Variants in SCD5 observed in about 807,000 individuals in gnomAD.
The protein encoded by SCD5 is stearoyl-CoA desaturase 5.
A neutral mutation model predicts 30.4 loss-of-function variants in SCD5; 20 were observed. The ratio of observed to expected loss-of-function variants is 0.66; its 90% CI spans 0.46 to 0.96. SCD5 has a LOEUF of 0.96. SCD5 is among the 40% of genes least tolerant of loss of function. SCD5 has a pLI of 0.00. For synonymous variants in SCD5, 173 were observed against 176.4 expected (o/e 0.98, Z 0.16); for missense variants, 381 against 443.3 (o/e 0.86, Z 1.26).
At chr4:82,730,499 T>G (rs907859435) in intron 1 of SCD5, among the ~76,000 whole-genome samples, 3 of 150,698 alleles carry the variant, frequency 2.0e-5, no homozygotes, top group Non-Finnish European at 4.4e-5. Flanking sequence ...GGTTTCACCG[T>G]GTTAGCCAAG....
intron 1 of SCD5, among the ~76,000 whole-genome samples, chr4:82,758,306 C>CA (rs1372793569): frequency 1.3e-5 from 2 of 150,760 alleles, no homozygotes; most frequent in South Asian, 2.1e-4. Flanking sequence ...TCTCCAAAAA[C>CA]AAAAAAAAAG....
chr4:82,673,534 C>A (rs894455139), intron 3 of SCD5, among the ~76,000 whole-genome samples: 6 of 151,992 alleles, frequency 3.9e-5, no homozygotes, highest in African/African-American at 1.4e-4. Flanking sequence ...AAGAGTTATC[C>A]CATGCTCATA....
chr4:82,641,382 T>C (rs761772794), intron 3 of SCD5, among the ~76,000 whole-genome samples: 5 of 148,340 alleles, frequency 3.4e-5, no homozygotes, highest in Non-Finnish European at 7.4e-5. Context: ...CAATGAACAA[T>C]ATAAATAAGC....
At chr4:82,691,882 C>T (rs1719517668) in intron 2 of SCD5, 2 of 152,482 alleles carry the variant, frequency 1.3e-5, no homozygotes, top group African/African-American at 4.8e-5. Context: ...CCGATGGCTT[C>T]TCTAGCTAGG....
At chr4:82,699,750 G>A (rs921688141) in intron 2 of SCD5, among the ~76,000 whole-genome samples, 13 of 134,144 alleles carry the variant, frequency 9.7e-5, no homozygotes, top group African/African-American at 1.4e-4. Context: ...CAACCTCCAC[G>A]TCCCAGGTTC....
Position 82,631,503 on chromosome 4 carries a change from T to A in SCD5, c.817A>T (p.Asn273Tyr). 1 of 1,613,912 alleles carries A rather than the reference T, an allele frequency of 6.2e-7. No individual in the cohort carries two copies. The highest frequency in any genetic ancestry group is 8.5e-7 in the Non-Finnish European group (1 of 1,179,852). The change falls in exon 5 of 5, where the codon AAT becomes TAT. Residue 273 changes from asparagine to tyrosine, a missense_variant. Physicochemically the swap from Asn to Tyr is moderately radical, Grantham distance 143. Coordinates refer to ENST00000319540, the MANE Select transcript of SCD5 (RefSeq NM_001037582.3). ...TCAAAGGGAAAGGTGTGATGGTAAT[T>A]ATGGAAGCCTTCACCTGGAAGACAA... ...ALGAIGEGFHNYHHTFPFDYS... is the reference protein window; with the variant it reads ...ALGAIGEGFHYYHHTFPFDYS...
chr4:82,692,046 G>C (rs962150874), intron 2 of SCD5: 1 of 152,446 alleles, frequency 6.6e-6, no homozygotes, highest in East Asian at 1.9e-4. Flanking sequence ...AAGGAGCTAA[G>C]CATAAAATCC....
intron 2 of SCD5, among the ~76,000 whole-genome samples, chr4:82,684,633 G>A (rs1728657344): frequency 6.6e-6 from 1 of 152,078 alleles, no homozygotes; most frequent in Non-Finnish European, 1.5e-5. Context: ...CAAGAAGAGG[G>A]GAAAGCTGAG....
chr4:82,791,254 G>C (rs557773877), intron 1 of SCD5, among the ~76,000 whole-genome samples: 77 of 151,984 alleles, frequency 5.1e-4, no homozygotes, highest in Admixed American at 2.2e-3. Flanking sequence ...AAAAAGATTA[G>C]TGGATGAATG....
intron 3 of SCD5, among the ~76,000 whole-genome samples, chr4:82,664,652 G>A (rs1343952016): frequency 6.6e-6 from 1 of 152,086 alleles, no homozygotes; most frequent in African/African-American, 2.4e-5. Context: ...AACAAAATCA[G>A]AAATGAAGAG....
At chr4:82,779,209 T>C (rs984196160) in intron 1 of SCD5, among the ~76,000 whole-genome samples, 9 of 151,560 alleles carry the variant, frequency 5.9e-5, no homozygotes, top group Non-Finnish European at 1.3e-4. Context: ...CTCAACTATG[T>C]GGGTGTGCTT....
intron 1 of SCD5, among the ~76,000 whole-genome samples, chr4:82,789,091 C>T (rs1722046492): frequency 6.6e-6 from 1 of 152,184 alleles, no homozygotes; most frequent in South Asian, 2.1e-4. Flanking sequence ...TCAGGCCTCC[C>T]CACTGTTGCC....
At chr4:82,792,186 G>A (rs567584996) in intron 1 of SCD5, among the ~76,000 whole-genome samples, 1 of 152,212 alleles carries the variant, frequency 6.6e-6, no homozygotes, top group East Asian at 1.9e-4. Flanking sequence ...GAACCCAGGA[G>A]GCAGAGGTTA....
At chr4:82,639,535 G>A (rs139007177) in intron 3 of SCD5, among the ~76,000 whole-genome samples, 2,028 of 152,362 alleles carry the variant, frequency 0.013, 21 homozygotes, top group Non-Finnish European at 0.019. Context: ...ATGCTTGGGC[G>A]AGGCAGCTCT....
intron 1 of SCD5, among the ~76,000 whole-genome samples, chr4:82,727,838 G>T (rs1255977289): frequency 1.3e-5 from 2 of 152,194 alleles, no homozygotes; most frequent in African/African-American, 4.8e-5. Flanking sequence ...CTACCGAGTA[G>T]CTGGGATTAC....
chr4:82,744,567 A>T (rs568325457), intron 1 of SCD5, among the ~76,000 whole-genome samples: 2 of 152,322 alleles, frequency 1.3e-5, no homozygotes, highest in African/African-American at 4.8e-5. Context: ...TGCCTGCCTA[A>T]GGGCTTTCAA....
intron 3 of SCD5, among the ~76,000 whole-genome samples, chr4:82,670,712 C>T (rs565818117): frequency 1.3e-5 from 2 of 151,422 alleles, no homozygotes; most frequent in Admixed American, 1.3e-4. Flanking sequence ...AATATCAATT[C>T]CATATCAATT....
At chr4:82,697,831 C>T (rs1275578836) in intron 2 of SCD5, among the ~76,000 whole-genome samples, 2 of 152,272 alleles carry the variant, frequency 1.3e-5, no homozygotes, top group East Asian at 3.9e-4. Context: ...TTCCGCATAA[C>T]GGAAGGGGTT....
chr4:82,726,227 G>A (rs1377711671), intron 1 of SCD5, among the ~76,000 whole-genome samples: 1 of 152,084 alleles, frequency 6.6e-6, no homozygotes, highest in Non-Finnish European at 1.5e-5. Flanking sequence ...GAGACAGCCT[G>A]ACCAACATGG....
Sources: gnomAD v4.1 joint callset for allele counts (sites outside exome capture counted in the v4.1 genomes callset) on GRCh38, gnomAD v4.1.1 for gene constraint, MANE v1.5 for transcripts, NCBI Gene and HGNC (gene_info 2026-07-23, HGNC 2026-07-21) for gene names.